The following WDFY4 variants were observed in gnomAD, a reference collection of about 807,000 sequenced individuals.
WDFY4 encodes the protein WDFY family member 4.
WDFY4 carries 169 observed loss-of-function variants against 351.9 expected under a neutral mutation model. The observed-to-expected ratio is 0.48, with a 90% CI of 0.42 to 0.55. The LOEUF (loss-of-function observed/expected upper bound fraction) is 0.55, where lower values mean the gene tolerates loss of function less well. Among genes scored for constraint, WDFY4 ranks in the 20% least tolerant of loss-of-function variants. WDFY4 has a pLI of 0.00. For missense variants in WDFY4, 3,803 were observed against 3,935.6 expected (o/e 0.97, Z 0.90); for synonymous variants, 1,622 against 1,574.6 (o/e 1.03, Z -0.71).
At position 48,805,412 on chromosome 10, in the gene WDFY4, A is replaced by G; in HGVS notation, c.4637A>G (p.Asp1546Gly). 1 of 1,548,364 alleles carries G rather than the reference A, an allele frequency of 6.5e-7. No individual in the cohort carries two copies. Among genetic ancestry groups the G allele is most frequent in the Admixed American group, 2.0e-5 (1 of 51,006 alleles). ...CTGAGGGGCCACTTCAGCACCCAGG[A>G]CTTGCTCAGGTACCACACCAAGCTG... ...CQLRGHFSTQ[D>G]LLRIGLFVVY... Residue 1546 changes from aspartate to glycine, a missense_variant, in exon 26 of 62, where the codon GAC (aspartate) becomes GGC (glycine). Asp to Gly is a moderately conservative substitution (Grantham distance 94). This residue lies in a region of WDFY4 where 3,054 missense variants were observed against 3,148.6 expected (regional missense o/e 0.97). Coordinates refer to ENST00000325239, the MANE Select transcript of WDFY4 (RefSeq NM_001394531.1).
chr10:48,755,786 G>A (rs930222504), intron 12 of WDFY4, among the ~76,000 whole-genome samples: 2 of 152,074 alleles, frequency 1.3e-5, no homozygotes, highest in African/African-American at 4.8e-5. Flanking sequence ...GCTCTCCAAA[G>A]ATATTCTTCC....
chr10:48,729,327 C>T, intron 7 of WDFY4, 105 bp from the exon 8 acceptor site: 2 of 1,474,670 alleles, frequency 1.4e-6, no homozygotes, highest in South Asian at 1.4e-5. Flanking sequence ...GGGGTCTTCC[C>T]CAGCTTGCAG....
intron 43 of WDFY4, among the ~76,000 whole-genome samples, chr10:48,885,984 A>G (rs965217752): frequency 6.6e-6 from 1 of 152,188 alleles, no homozygotes; most frequent in Non-Finnish European, 1.5e-5. Context: ...TGCCAATACT[A>G]TTAGAATGTA....
chr10:48,902,676 C>T (rs895493863), intron 47 of WDFY4, among the ~76,000 whole-genome samples: 1 of 151,724 alleles, frequency 6.6e-6, no homozygotes, highest in Non-Finnish European at 1.5e-5. Context: ...GGAGGACAGA[C>T]ATAAACCAAT....
At chr10:48,715,835 G>A (rs1297710915) in intron 2 of WDFY4, among the ~76,000 whole-genome samples, 6 of 146,922 alleles carry the variant, frequency 4.1e-5, no homozygotes, top group Non-Finnish European at 7.5e-5. Context: ...ATTTTTAGTA[G>A]AGACGGGGTT....
At chr10:48,874,465 G>T (rs1364526047) in intron 41 of WDFY4, among the ~76,000 whole-genome samples, 1 of 152,108 alleles carries the variant, frequency 6.6e-6, no homozygotes, top group Non-Finnish European at 1.5e-5. Flanking sequence ...AAGTAACAAT[G>T]TTGAGTTTAT....
intron 7 of WDFY4, 29 bp from the exon 8 acceptor site, chr10:48,729,403 C>T (rs1293913932): frequency 2.8e-5 from 43 of 1,548,970 alleles, no homozygotes; most frequent in Admixed American, 3.9e-5. Flanking sequence ...CTAGGAAGTA[C>T]AGGGAGCTGG....
Position 48,970,171 on chromosome 10 carries a change from G to C in WDFY4, c.8810G>C (p.Cys2937Ser). 2.6e-6 allele frequency: 4 copies of C among 1,551,684 alleles called. No homozygotes were observed. Among genetic ancestry groups the C allele is most frequent in the Non-Finnish European group, 3.5e-6 (4 of 1,147,014 alleles). The change falls in exon 57 of 62, where the codon TGT (cysteine) becomes TCT (serine). Residue 2937 changes from cysteine to serine, a missense_variant. By Grantham distance (112) the Cys-to-Ser change is moderately radical. Around this residue, in one of 3 missense-constraint regions of WDFY4, gnomAD observed 3,054 missense variants for 3,148.6 expected, o/e 0.97. Coordinates refer to ENST00000325239, the MANE Select transcript of WDFY4 (RefSeq NM_001394531.1). ...TFENLAAWGR[C>S]LCAVCPSPTT... ...GAGAACCTGGCTGCCTGGGGCCGCT[G>C]TCTGTGCGCCGTGTGCCCATCCCCA... is the stretch of plus-strand genomic sequence containing the variant.
In WDFY4 at chr10:48,948,145, G is replaced by C. The variant is rs73296702; in HGVS notation, c.7977+1176G>C. 5.5e-3 allele frequency among the ~76,000 whole-genome samples: 832 copies of C among 152,286 alleles called. 15 individuals carry two copies. Among genetic ancestry groups the C allele is most frequent in the African/African-American group, 0.019 (786 of 41,570 alleles). ...CACTTTCTCCAAATAAGGAGCAAAC[G>C]TCCTCCTGTCTTCCATTACTTGGCG... On this transcript the variant is annotated intron_variant, in intron 51 of 61. Coordinates refer to ENST00000325239, the MANE Select transcript of WDFY4 (RefSeq NM_001394531.1).
intron 51 of WDFY4, among the ~76,000 whole-genome samples, chr10:48,951,898 G>A (rs1336245730): frequency 7.9e-5 from 12 of 152,208 alleles, no homozygotes; most frequent in Admixed American, 6.5e-4. Flanking sequence ...ACACAGCAGC[G>A]GTGGCTGCTG....
chr10:48,914,052 C>T, intron 47 of WDFY4: 5 of 1,614,178 alleles, frequency 3.1e-6, no homozygotes, highest in Non-Finnish European at 4.2e-6. Context: ...TCCCATCTTG[C>T]TCAAGTCAAG....
intron 43 of WDFY4, among the ~76,000 whole-genome samples, chr10:48,880,478 G>A (rs888056929): frequency 6.6e-6 from 1 of 152,200 alleles, no homozygotes; most frequent in African/African-American, 2.4e-5. Context: ...TGGCCTTCCC[G>A]TGGCTCAGCG....
At chr10:48,760,930 G>A (rs1469001075) in intron 13 of WDFY4, among the ~76,000 whole-genome samples, 1 of 152,196 alleles carries the variant, frequency 6.6e-6, no homozygotes, top group African/African-American at 2.4e-5. Flanking sequence ...TAGTGACAGT[G>A]CAGACAGACT....
At chr10:48,710,570 G>A (rs2063743743) in intron 2 of WDFY4, among the ~76,000 whole-genome samples, 1 of 152,160 alleles carries the variant, frequency 6.6e-6, no homozygotes, top group Non-Finnish European at 1.5e-5. Context: ...CCCAGTTTGG[G>A]AGCTAGAAAT....
chr10:48,884,752 C>T (rs950836283), intron 43 of WDFY4, among the ~76,000 whole-genome samples: 2 of 152,156 alleles, frequency 1.3e-5, no homozygotes, highest in African/African-American at 4.8e-5. Flanking sequence ...ACTCCTAACT[C>T]CAGACTTGGA....
intron 12 of WDFY4, among the ~76,000 whole-genome samples, chr10:48,753,527 A>G (rs1370624679): frequency 6.6e-6 from 1 of 152,092 alleles, no homozygotes; most frequent in Non-Finnish European, 1.5e-5. Flanking sequence ...ATTCATTTTG[A>G]GTTAATTTTT....
chr10:48,693,925 T>C (rs2063263016), intron 1 of WDFY4, among the ~76,000 whole-genome samples: 1 of 152,190 alleles, frequency 6.6e-6, no homozygotes, highest in African/African-American at 2.4e-5. Flanking sequence ...ACGTAGGTGG[T>C]TTGTGCCCTC....
intron 47 of WDFY4, among the ~76,000 whole-genome samples, chr10:48,920,666 T>C (rs1234652789): frequency 1.3e-5 from 2 of 152,190 alleles, no homozygotes; most frequent in Admixed American, 1.3e-4. Context: ...TTCTAACCAG[T>C]GCAATAATGC....
intron 13 of WDFY4, among the ~76,000 whole-genome samples, chr10:48,771,908 G>A (rs1224313089): frequency 6.6e-6 from 1 of 152,160 alleles, no homozygotes. Context: ...TGTAACAGGT[G>A]GTCTGTGATG....
Sources: allele counts gnomAD v4.1 joint callset (sites outside exome capture counted in the v4.1 genomes callset), GRCh38; gene constraint gnomAD v4.1.1; regional missense constraint gnomAD v4.1.1; transcripts MANE v1.5; gene names NCBI Gene and HGNC (gene_info 2026-07-23, HGNC 2026-07-21).